PIKFYVE: variants seen among roughly 807,000 people sequenced by gnomAD.
PIKFYVE encodes phosphoinositide kinase, FYVE-type zinc finger containing.
Under a neutral mutation model 257.9 loss-of-function variants are expected in PIKFYVE, and 122 were observed. The ratio of observed to expected loss-of-function variants is 0.47; its 90% CI spans 0.41 to 0.55. The LOEUF (loss-of-function observed/expected upper bound fraction) is 0.55. Among genes scored for constraint, PIKFYVE ranks in the 20% least tolerant of loss-of-function variants. The pLI is 0.00. For missense variants in PIKFYVE, 2,160 were observed against 2,536.6 expected (o/e 0.85, Z 3.19); for synonymous variants, 892 against 868.9 (o/e 1.03, Z -0.47).
At chr2:208,330,118 C>G (rs1470747102) in intron 22 of PIKFYVE, among the ~76,000 whole-genome samples, 3 of 152,160 alleles carry the variant, frequency 2.0e-5, no homozygotes, top group African/African-American at 7.2e-5. Context: ...CCTCATATCT[C>G]TGCCCATCTA....
At chr2:208,305,086 T>C in intron 12 of PIKFYVE, 73 bp downstream of exon 12, 3 of 1,599,942 alleles carry the variant, frequency 1.9e-6, no homozygotes, top group Non-Finnish European at 2.6e-6. Flanking sequence ...TGCCAGCCTG[T>C]CCTTCTGGCT....
intron 12 of PIKFYVE, among the ~76,000 whole-genome samples, chr2:208,308,563 A>G (rs542024783): frequency 1.2e-4 from 18 of 152,174 alleles, no homozygotes; most frequent in African/African-American, 4.3e-4. Flanking sequence ...GAAACTTTTT[A>G]CCCTTTGACT....
chr2:208,295,823 C>G (rs752200693), intron 7 of PIKFYVE, among the ~76,000 whole-genome samples: 3 of 152,184 alleles, frequency 2.0e-5, no homozygotes, highest in Non-Finnish European at 4.4e-5. Context: ...TACCCTATAT[C>G]TTACTAATCT....
At chr2:208,310,607 G>A (rs1044801947) in intron 12 of PIKFYVE, among the ~76,000 whole-genome samples, 21 of 152,126 alleles carry the variant, frequency 1.4e-4, no homozygotes, top group African/African-American at 3.1e-4. Context: ...GTAGTTTTCC[G>A]TGTATAGGAA....
chr2:208,271,627 T>C lies in PIKFYVE; in HGVS notation c.108T>C (p.Asp36=), dbSNP rs774855979. 16 of 1,614,052 alleles carry C rather than the reference T, an allele frequency of 9.9e-6. No homozygotes were observed. The highest frequency in any genetic ancestry group is 1.4e-5 in the Non-Finnish European group (16 of 1,179,990). ...HLTHFKPLTP[D]QDEPPFKSAY... The stretch of plus-strand genomic sequence containing the variant: ...CACACTTTAAACCTTTGACTCCTGA[T>C]CAAGATGAGCCCCCTTTTAAATCAG... Residue 36 remains aspartate (D), a synonymous_variant, in exon 2 of 42, where the codon GAT becomes GAC. Transcript: ENST00000264380.
At chr2:208,330,736 C>A in intron 23 of PIKFYVE, 42 bp downstream of exon 23, 8 of 1,542,622 alleles carry the variant, frequency 5.2e-6, no homozygotes, top group African/African-American at 1.5e-5. Flanking sequence ...CCATTTATTT[C>A]TTTATTTGTA....
chr2:208,285,532 T>G (rs1458403718), intron 5 of PIKFYVE, among the ~76,000 whole-genome samples, 194 bp from the exon 6 acceptor site: 2 of 152,206 alleles, frequency 1.3e-5, no homozygotes, highest in East Asian at 3.8e-4. Context: ...AAAATGGCCC[T>G]TAAATATATA....
rs758552809 is a variant in PIKFYVE, at chr2:208,324,136, A to T, written c.2191-6A>T. On this transcript the variant is annotated splice_region_variant and splice_polypyrimidine_tract_variant and intron_variant, in intron 17 of 41. Transcript: ENST00000264380. ...AGGTGTAATATTTCTGATTTATCTT[A>T]CTTAGGAAAGGGAATTCTTGAAGAA... 6.0e-5 allele frequency: 96 copies of T among 1,612,364 alleles called. No individual in the cohort carries two copies. The South Asian group carries it at 1.1e-3, about 18-fold the overall frequency.
At chr2:208,283,390 C>T (rs1049247713) in intron 5 of PIKFYVE, among the ~76,000 whole-genome samples, 2 of 152,252 alleles carry the variant, frequency 1.3e-5, no homozygotes, top group Admixed American at 1.3e-4. Context: ...GCTTAATAGG[C>T]TCTTGCTGAT....
chr2:208,348,128 TG>T, intron 35 of PIKFYVE, 105 bp downstream of exon 35: 2 of 1,397,564 alleles, frequency 1.4e-6, no homozygotes. Context: ...GTGCTGAAAC[TG>T]GGGCATTCCC....
In PIKFYVE at chr2:208,346,109, GACAGACAAATCGTACAACAGAA is replaced by G; in HGVS notation, c.5177_5198del (p.Thr1726AsnfsTer62). On this transcript the variant is annotated frameshift_variant, in exon 34 of 42. Coordinates refer to ENST00000264380, the MANE Select transcript of PIKFYVE (RefSeq NM_015040.4). LOFTEE classifies it high-confidence loss of function. Reference sequence around the variant, plus strand: ...ATCAGATTACCTGAAATGAGTGGAGGACAGACAAATCGTACAACAGAAACAGAACCACAACCAAGTAAGATTA... The same window carrying G: ...ATCAGATTACCTGAAATGAGTGGAGGACAGAACCACAACCAAGTAAGATTA... 1 of 1,613,208 alleles carries G rather than the reference GACAGACAAATCGTACAACAGAA, an allele frequency of 6.2e-7. No homozygotes were observed. The highest frequency in any genetic ancestry group is 8.5e-7 in the Non-Finnish European group (1 of 1,179,462).
chr2:208,276,643 A>G (rs1690143631), intron 3 of PIKFYVE, 69 bp from the exon 4 acceptor site: 2 of 1,099,412 alleles, frequency 1.8e-6, no homozygotes, highest in South Asian at 1.2e-5. Context: ...TTTCCATCAC[A>G]TATATACCTT....
intron 17 of PIKFYVE, among the ~76,000 whole-genome samples, chr2:208,322,562 T>C (rs1696377934): frequency 6.6e-6 from 1 of 151,796 alleles, no homozygotes; most frequent in African/African-American, 2.4e-5. Context: ...CCTGAAACTC[T>C]TGTCAGCATA....
intron 39 of PIKFYVE, among the ~76,000 whole-genome samples, chr2:208,353,416 C>A (rs1699944323): frequency 6.6e-6 from 1 of 152,222 alleles, no homozygotes; most frequent in Admixed American, 6.5e-5. Context: ...CTCAAGTCCC[C>A]TGTCCTTTGA....
intron 17 of PIKFYVE, among the ~76,000 whole-genome samples, chr2:208,321,669 C>G (rs1353423883): frequency 6.6e-6 from 1 of 151,684 alleles, no homozygotes; most frequent in Non-Finnish European, 1.5e-5. Flanking sequence ...CCCCTGCCTC[C>G]CAGGTTCAAG....
At chr2:208,307,083 A>C (rs6761598) in intron 12 of PIKFYVE, among the ~76,000 whole-genome samples, 1,762 of 152,202 alleles carry the variant, frequency 0.012, 29 homozygotes, top group African/African-American at 0.04. Flanking sequence ...CTGGCCCTCA[A>C]TCCTTTAAAA....
At chr2:208,324,092 C>G in intron 17 of PIKFYVE, 50 bp from the exon 18 acceptor site, 12 of 1,587,344 alleles carry the variant, frequency 7.6e-6, no homozygotes, top group Non-Finnish European at 9.5e-6. Context: ...TTTAATATGT[C>G]CAGATACTGC....
In PIKFYVE at chr2:208,301,461, T is replaced by G. The variant is rs374894843; in HGVS notation, c.1208+367T>G. Among the ~76,000 whole-genome samples the G allele has an allele frequency of 5.4e-4, 82 of 152,332 alleles. 2 individuals carry two copies. In the South Asian group the frequency reaches 0.017, roughly 31 times the overall value. On this transcript the variant is annotated intron_variant, in intron 9 of 41. Coordinates refer to ENST00000264380, the MANE Select transcript of PIKFYVE (RefSeq NM_015040.4). ...GAGTATTTGATCCATAAGCTATGCC[T>G]GTCGGGTCCTAGCTTGCCTCACAAA... is the stretch of plus-strand genomic sequence containing the variant.
intron 39 of PIKFYVE, among the ~76,000 whole-genome samples, chr2:208,353,048 T>C (rs1699917674): frequency 6.6e-6 from 1 of 152,208 alleles, no homozygotes; most frequent in African/African-American, 2.4e-5. Flanking sequence ...ACTTCCCGCA[T>C]CTTTTTTGAA....
Sources: allele counts gnomAD v4.1 joint callset (sites outside exome capture counted in the v4.1 genomes callset), GRCh38; gene constraint gnomAD v4.1.1; transcripts MANE v1.5; gene names NCBI Gene and HGNC (gene_info 2026-07-23, HGNC 2026-07-21).